PKP4: variants seen among roughly 807,000 people sequenced by gnomAD.
PKP4 encodes the protein plakophilin-4.
In PKP4, 90 loss-of-function variants were observed where a neutral mutation model predicts 145.1. The observed-to-expected ratio is 0.62, with a 90% confidence interval of 0.52 to 0.74. The LOEUF is 0.74. Among genes scored for constraint, PKP4 ranks in the 30% least tolerant of loss-of-function variants. PKP4 has a pLI of 0.00. For synonymous variants in PKP4, 563 were observed against 577.2 expected (o/e 0.98, Z 0.35); for missense variants, 1,340 against 1,482.7 (o/e 0.90, Z 1.58).
Position 158,589,362 on chromosome 2 carries a change from G to A in PKP4, c.245+11979G>A, listed in dbSNP as rs141880145. ...GTTTTTCTCTTGCTTTACCATTGGA[G>A]TGTCAAGGGGGTGGGAAGACTTCAG... On this transcript the variant is annotated intron_variant, in intron 3 of 21. Coordinates refer to ENST00000389759, the MANE Select transcript of PKP4 (RefSeq NM_003628.6). 4.5e-3 allele frequency among the ~76,000 whole-genome samples: 679 copies of A among 152,214 alleles called. 5 individuals carry two copies. The highest frequency in any genetic ancestry group is 0.015 in the African/African-American group (643 of 41,530).
intron 1 of PKP4, among the ~76,000 whole-genome samples, chr2:158,532,023 T>C (rs2043598695): frequency 6.6e-6 from 1 of 152,164 alleles, no homozygotes. Flanking sequence ...GAAGATGGGA[T>C]CTCAGAGGGT....
At chr2:158,622,542 A>G (rs2052357217) in intron 6 of PKP4, among the ~76,000 whole-genome samples, 2 of 152,178 alleles carry the variant, frequency 1.3e-5, no homozygotes, top group Admixed American at 1.3e-4. Context: ...TGCTGCTTCT[A>G]CTGCAATACA....
intron 20 of PKP4, chr2:158,677,380 T>TAAGA (rs2058096382): frequency 7.8e-6 from 1 of 128,456 alleles, no homozygotes; most frequent in African/African-American, 3.6e-5. Context: ...GATTATTTTT[T>TAAGA]AAGAATAACA....
At chr2:158,648,894 AGTCT>A (rs1321334081) in intron 11 of PKP4, among the ~76,000 whole-genome samples, 3 of 43,662 alleles carry the variant, frequency 6.9e-5, no homozygotes, top group Admixed American at 7.4e-4. Context: ...GCTACTAGAG[AGTCT>A]GAGGCAGGAA....
intron 1 of PKP4, among the ~76,000 whole-genome samples, chr2:158,513,217 T>C (rs1176877812): frequency 6.6e-6 from 1 of 152,222 alleles, no homozygotes. Flanking sequence ...ATACTTTTAC[T>C]GATTCTTAGT....
intron 1 of PKP4, among the ~76,000 whole-genome samples, chr2:158,527,794 AAAAC>A (rs1419902616): frequency 1.8e-4 from 1 of 5,440 alleles, no homozygotes; most frequent in Non-Finnish European, 3.7e-4. Context: ...TTACAAGAAA[AAAAC>A]AAACAACCCC....
At chr2:158,545,553 C>T (rs1208501323) in intron 2 of PKP4, among the ~76,000 whole-genome samples, 1 of 152,156 alleles carries the variant, frequency 6.6e-6, no homozygotes, top group Non-Finnish European at 1.5e-5. Flanking sequence ...ATAATACTTG[C>T]ATTCAGTTCA....
At chr2:158,619,796 G>C (rs150017550) in intron 4 of PKP4, among the ~76,000 whole-genome samples, 62 of 152,284 alleles carry the variant, frequency 4.1e-4, no homozygotes, top group Admixed American at 8.5e-4. Context: ...GTCTGTCCTC[G>C]TGGAGCTTAT....
At chr2:158,666,810 T>C (rs1329362183) in intron 16 of PKP4, among the ~76,000 whole-genome samples, 2 of 152,202 alleles carry the variant, frequency 1.3e-5, no homozygotes. Flanking sequence ...TAGTTGTACC[T>C]TACAACACTA....
intron 1 of PKP4, among the ~76,000 whole-genome samples, chr2:158,507,185 A>G (rs568668656): frequency 6.6e-6 from 1 of 152,112 alleles, no homozygotes; most frequent in Non-Finnish European, 1.5e-5. Context: ...AGTGGTGCAG[A>G]TATATTGATC....
intron 1 of PKP4, among the ~76,000 whole-genome samples, chr2:158,521,337 A>G (rs916178864): frequency 1.3e-5 from 2 of 152,210 alleles, no homozygotes; most frequent in Non-Finnish European, 2.9e-5. Context: ...GAACTTCATT[A>G]TTGGTCATCT....
intron 9 of PKP4, among the ~76,000 whole-genome samples, chr2:158,636,164 C>G (rs936903029): frequency 1.3e-5 from 2 of 152,038 alleles, no homozygotes; most frequent in African/African-American, 4.8e-5. Flanking sequence ...CAACTCATTT[C>G]CCTTTGGCCT....
chr2:158,550,143 A>ATTCTATAAAATTCTATTTAT (rs564291706), intron 2 of PKP4, among the ~76,000 whole-genome samples: 1 of 147,046 alleles, frequency 6.8e-6, no homozygotes, highest in Non-Finnish European at 1.5e-5. Flanking sequence ...TGCCAAGAAG[A>ATTCTATAAAATTCTATTTAT]AGTTAAACAA....
chr2:158,468,661 T>A (rs1691038193), intron 1 of PKP4, among the ~76,000 whole-genome samples: 1 of 152,104 alleles, frequency 6.6e-6, no homozygotes, highest in Admixed American at 6.5e-5. Flanking sequence ...GTGATTGGAA[T>A]TAATCCAGTC....
At chr2:158,535,652 G>A (rs183150417) in intron 2 of PKP4, among the ~76,000 whole-genome samples, 41 of 152,088 alleles carry the variant, frequency 2.7e-4, no homozygotes, top group Admixed American at 1.6e-3. Flanking sequence ...ACTCCTGGCC[G>A]CATGCAGTCC....
intron 11 of PKP4, among the ~76,000 whole-genome samples, chr2:158,644,461 G>A (rs891561693): frequency 6.6e-6 from 1 of 152,120 alleles, no homozygotes; most frequent in African/African-American, 2.4e-5. Context: ...AGCATTGCTT[G>A]TAATAATAAT....
rs892107380 is a variant in PKP4 at position 158,676,715 on chromosome 2, C to T, written c.3128-24C>T. Reference sequence around the variant, plus strand: ...GATTTCTCTTTCTACCCCTCTTTCTCTCCTCCTTTGCCTCTCCCTTCAGTC... The same window carrying T: ...GATTTCTCTTTCTACCCCTCTTTCTTTCCTCCTTTGCCTCTCCCTTCAGTC... On this transcript the variant is annotated intron_variant, in intron 19 of 21. Transcript: ENST00000389759. 3.7e-6 allele frequency: 6 copies of T among 1,613,860 alleles called. No individual in the cohort carries two copies. In the African/African-American group the frequency reaches 6.7e-5, roughly 18 times the overall value.
At chr2:158,504,312 T>C (rs1390397261) in intron 1 of PKP4, among the ~76,000 whole-genome samples, 7 of 152,214 alleles carry the variant, frequency 4.6e-5, no homozygotes, top group Middle Eastern at 3.2e-3. Flanking sequence ...TGACACATAG[T>C]GGACACTGAG....
intron 11 of PKP4, 36 bp downstream of exon 11, chr2:158,642,735 G>A: frequency 4.0e-6 from 6 of 1,484,964 alleles, no homozygotes; most frequent in Non-Finnish European, 4.6e-6. Context: ...TAGAGGAAAT[G>A]TTGAAAACAG....
Sources: allele counts gnomAD v4.1 joint callset (sites outside exome capture counted in the v4.1 genomes callset), GRCh38; gene constraint gnomAD v4.1.1; transcripts MANE v1.5; gene names NCBI Gene and HGNC (gene_info 2026-07-23, HGNC 2026-07-21).